The following BAZ2A variants were observed in gnomAD, a reference collection of about 807,000 sequenced individuals.
The protein encoded by BAZ2A is bromodomain adjacent to zinc finger domain protein 2A.
A neutral mutation model predicts 199.9 loss-of-function variants in BAZ2A; 34 were observed. That is an observed-to-expected ratio of 0.17 (90% CI 0.13 to 0.23). BAZ2A has a LOEUF of 0.23. Ranked by LOEUF, BAZ2A falls within the 10% of genes least tolerant of loss-of-function variation. The pLI is 1.00. For synonymous variants in BAZ2A, 857 were observed against 883.9 expected, an observed-to-expected ratio of 0.97 and a Z score of 0.54; for missense variants, 2,002 against 2,391.1, an observed-to-expected ratio of 0.84 and a Z score of 3.39.
chr12:56,598,602 C>T lies in BAZ2A; in HGVS notation c.*16G>A, dbSNP rs765780056. The T allele has an allele frequency of 3.1e-6, 5 of 1,611,102 alleles. No homozygotes were observed. Among genetic ancestry groups the T allele is most frequent in the Admixed American group, 1.7e-5 (1 of 59,812 alleles). ...TGGGGGGAGATGCCACAAGGTGACT[C>T]CCCACCTCCCTTGCCTCACAGATTG... On this transcript the variant is annotated 3_prime_UTR_variant, in exon 29 of 29. Transcript: ENST00000549884.
At chr12:56,614,377 C>T (rs1243851241) in intron 3 of BAZ2A, 1 of 446,058 alleles carries the variant, frequency 2.2e-6, no homozygotes, top group Non-Finnish European at 4.0e-6. Flanking sequence ...ACATCTCTAT[C>T]ATGTTCTCAG....
chr12:56,623,117 TCCTA>T (rs1950974239), intron 1 of BAZ2A, among the ~76,000 whole-genome samples: 1 of 151,822 alleles, frequency 6.6e-6, no homozygotes, highest in Admixed American at 6.6e-5. Flanking sequence ...GCACCTGTAG[TCCTA>T]CCTACTCGGG....
intron 10 of BAZ2A, among the ~76,000 whole-genome samples, chr12:56,608,230 G>C (rs991334667): frequency 6.6e-6 from 1 of 152,182 alleles, no homozygotes; most frequent in South Asian, 2.1e-4. Context: ...AAATTAGCCA[G>C]GTGTGGTGGC....
At chr12:56,623,002 C>T (rs1309359291) in intron 1 of BAZ2A, among the ~76,000 whole-genome samples, 5 of 152,012 alleles carry the variant, frequency 3.3e-5, no homozygotes, top group East Asian at 1.9e-4. Context: ...TTTGGGAGGC[C>T]GAGGTGAGCG....
chr12:56,634,427 G>A (rs371350739), upstream of BAZ2A, among the ~76,000 whole-genome samples: 11 of 152,202 alleles, frequency 7.2e-5, no homozygotes, highest in African/African-American at 2.7e-4. Flanking sequence ...TGGACCCCAA[G>A]CTCCCGGAGA....
At chr12:56,634,014 A>G (rs894987108), upstream of BAZ2A, among the ~76,000 whole-genome samples, 1 of 152,110 alleles carries the variant, frequency 6.6e-6, no homozygotes, top group African/African-American at 2.4e-5. Flanking sequence ...ATTACAGGCG[A>G]GCACACTCCA....
At chr12:56,623,780 G>C (rs1408965972) in intron 1 of BAZ2A, among the ~76,000 whole-genome samples, 1 of 152,090 alleles carries the variant, frequency 6.6e-6, no homozygotes, top group Non-Finnish European at 1.5e-5. Context: ...ATATTATCTG[G>C]CCCACGTTAT....
Sources: allele counts gnomAD v4.1 joint callset (sites outside exome capture counted in the v4.1 genomes callset), GRCh38; gene constraint gnomAD v4.1.1; transcripts MANE v1.5; gene names NCBI Gene and HGNC (gene_info 2026-07-23, HGNC 2026-07-21).